URM1: variants seen among roughly 807,000 people sequenced by gnomAD.
URM1 encodes ubiquitin related modifier 1, also known as ubiquitin-related modifier 1.
A neutral mutation model predicts 17.7 loss-of-function variants in URM1; 11 were observed. The ratio of observed to expected loss-of-function variants is 0.62; its 90% CI spans 0.39 to 1.03. The LOEUF is 1.03. Ranked by LOEUF, URM1 falls within the 50% of genes least tolerant of loss-of-function variation. The pLI is 0.00. For synonymous variants in URM1, 48 were observed against 50.6 expected, an observed-to-expected ratio of 0.95 and a Z score of 0.22; for missense variants, 128 against 129.2, an observed-to-expected ratio of 0.99 and a Z score of 0.04.
rs562986800 is a variant in URM1 at position 128,382,697 on chromosome 9, G to A, written c.106+4591G>A. 1.2e-4 allele frequency among the ~76,000 whole-genome samples: 18 copies of A among 152,334 alleles called. No individual in the cohort carries two copies. The South Asian group carries it at 3.3e-3, about 28-fold the overall frequency. On this transcript the variant is annotated intron_variant, in intron 2 of 4. Coordinates refer to ENST00000372853, the MANE Select transcript of URM1 (RefSeq NM_030914.4). Reference sequence around the variant, plus strand: ...TAAGATGGGAGGTTGGGCTCGCTCTGTATGTTATTGAGCTGGTTGTCTCTT... The same window carrying A: ...TAAGATGGGAGGTTGGGCTCGCTCTATATGTTATTGAGCTGGTTGTCTCTT...
rs762929481 is a variant in URM1, at chr9:128,387,526, C to T, written c.107-290C>T. 3.9e-5 allele frequency among the ~76,000 whole-genome samples: 6 copies of T among 152,154 alleles called. No individual in the cohort carries two copies. The highest frequency in any genetic ancestry group is 8.8e-5 in the Non-Finnish European group (6 of 68,030). ...CTAACCCTTTAGATGCGACAGTCCT[C>T]CCGCCGTCTGCCTTGAATCCCCCCA... On this transcript the variant is annotated intron_variant, in intron 2 of 4. Coordinates refer to ENST00000372853, the MANE Select transcript of URM1 (RefSeq NM_030914.4). The surrounding 1 kb of genome is among the most constrained non-coding windows in gnomAD (Gnocchi z 4.3).
chr9:128,380,925 C>T (rs1389090232), intron 2 of URM1, among the ~76,000 whole-genome samples: 1 of 151,966 alleles, frequency 6.6e-6, no homozygotes, highest in Non-Finnish European at 1.5e-5. Context: ...CCCGGGTTCA[C>T]GCCATTCTCC....
intron 3 of URM1, chr9:128,388,206 T>C: frequency 8.4e-7 from 1 of 1,190,122 alleles, no homozygotes; most frequent in Non-Finnish European, 1.0e-6. Context: ...AGTTACTCTC[T>C]ACACAGAAAG....
intron 2 of URM1, among the ~76,000 whole-genome samples, chr9:128,386,167 C>T (rs993341817): frequency 6.6e-6 from 1 of 152,358 alleles, no homozygotes; most frequent in East Asian, 1.9e-4. Flanking sequence ...TCCACACACA[C>T]AGGCACACCC....
At chr9:128,379,958 A>T (rs967079278) in intron 2 of URM1, among the ~76,000 whole-genome samples, 1 of 152,018 alleles carries the variant, frequency 6.6e-6, no homozygotes, top group African/African-American at 2.4e-5. Context: ...ACAAAAAAAT[A>T]AAAAATTAGC....
intron 2 of URM1, among the ~76,000 whole-genome samples, chr9:128,384,568 G>A (rs1833202683): frequency 6.6e-6 from 1 of 152,164 alleles, no homozygotes. Context: ...CTGATTAATG[G>A]TTGGCTCTAC....
chr9:128,371,617 T>C (rs1321709251), intron 1 of URM1, among the ~76,000 whole-genome samples: 3 of 152,068 alleles, frequency 2.0e-5, no homozygotes, highest in South Asian at 2.1e-4. Context: ...GAGGCGCACA[T>C]TGGGAGGGAA....
rs533203641 is a variant in URM1 at position 128,379,160 on chromosome 9, T to C, written c.106+1054T>C. On this transcript the variant is annotated intron_variant, in intron 2 of 4. Coordinates refer to ENST00000372853, the MANE Select transcript of URM1 (RefSeq NM_030914.4). ...ATCAGTTATATTAAGAGACAGGAAATGAGGTTCCTGGAGGTGGGCGGTAGA... is the reference window on the plus strand; with the variant it reads ...ATCAGTTATATTAAGAGACAGGAAACGAGGTTCCTGGAGGTGGGCGGTAGA... 4.6e-5 allele frequency among the ~76,000 whole-genome samples: 7 copies of C among 152,058 alleles called. No homozygotes were observed. In the South Asian group the frequency reaches 1.2e-3, roughly 27 times the overall value.
Position 128,376,439 on chromosome 9 carries a change from CA to C in URM1, c.36-1596del, listed in dbSNP as rs142873072. ...CTTCGGGAGGCTGAGGCAGGTGGAT[CA>C]CGAGGTCAGGAGTTCAAGACCAGCC... On this transcript the variant is annotated intron_variant, in intron 1 of 4. Coordinates refer to ENST00000372853, the MANE Select transcript of URM1 (RefSeq NM_030914.4). 5.6e-3 allele frequency among the ~76,000 whole-genome samples: 835 copies of C among 150,058 alleles called. 4 individuals are homozygous for C. Among genetic ancestry groups the C allele is most frequent in the Admixed American group, 8.6e-3 (130 of 15,062 alleles).
In URM1 at chr9:128,371,411, T is replaced by G. The variant is rs765048180; in HGVS notation, c.31T>G (p.Phe11Val). The stretch of plus-strand genomic sequence containing the variant: ...TGCGCCCTTGTCAGTGGAGGTGGAG[T>G]TCGGGTGAGTCACAGAGCTGGGGCG... MAAPLSVEVE[F>V]GGGAELLFDG... Residue 11 changes from phenylalanine (F) to valine (V), a missense_variant, in exon 1 of 5, where the codon TTC becomes GTC. Transcript: ENST00000372853. 6.2e-7 allele frequency: 1 copy of G among 1,612,406 alleles called. No homozygotes were observed. Among genetic ancestry groups the G allele is most frequent in the Non-Finnish European group, 8.5e-7 (1 of 1,179,148 alleles).
At chr9:128,386,037 C>G (rs1833222669) in intron 2 of URM1, among the ~76,000 whole-genome samples, 1 of 152,210 alleles carries the variant, frequency 6.6e-6, no homozygotes, top group Non-Finnish European at 1.5e-5. Context: ...GCCCTTCCCC[C>G]ACCCCCAGGC....
chr9:128,386,381 A>G lies in URM1; in HGVS notation c.107-1435A>G, dbSNP rs1301754485. ...TGAGCTGCAGCTAGTTGGAGGCAGC[A>G]TTTTCCCCATCCCATGCCTGCTCCA... On this transcript the variant is annotated intron_variant, in intron 2 of 4. Coordinates refer to ENST00000372853, the MANE Select transcript of URM1 (RefSeq NM_030914.4). Among the ~76,000 whole-genome samples the G allele has an allele frequency of 5.9e-5, 9 of 152,174 alleles. No individual in the cohort carries two copies. In the East Asian group the frequency reaches 1.7e-3, roughly 29 times the overall value.
At chr9:128,373,748 A>C (rs777925240) in intron 1 of URM1, among the ~76,000 whole-genome samples, 4 of 152,184 alleles carry the variant, frequency 2.6e-5, no homozygotes, top group Non-Finnish European at 5.9e-5. Flanking sequence ...AGGTATTGGC[A>C]AAAGGAGGGA....
intron 1 of URM1, among the ~76,000 whole-genome samples, chr9:128,375,413 CTTAAGA>C (rs1344959717): frequency 1.3e-5 from 2 of 152,134 alleles, no homozygotes; most frequent in Non-Finnish European, 2.9e-5. Context: ...AAGACTGAAG[CTTAAGA>C]TTGAGTCAAG....
intron 1 of URM1, among the ~76,000 whole-genome samples, chr9:128,375,046 A>G (rs1361574747): frequency 6.6e-6 from 1 of 152,224 alleles, no homozygotes; most frequent in Non-Finnish European, 1.5e-5. Flanking sequence ...ATTATAGTTC[A>G]GCCCCTGCCT....
intron 2 of URM1, among the ~76,000 whole-genome samples, chr9:128,380,639 CTTTTT>C (rs112510172): frequency 7.3e-6 from 1 of 137,656 alleles, no homozygotes. Flanking sequence ...TTTTTCTTTT[CTTTTT>C]TTTTTTTTTG....
intron 2 of URM1, among the ~76,000 whole-genome samples, chr9:128,380,435 G>A (rs1005854566): frequency 2.0e-5 from 3 of 152,126 alleles, no homozygotes; most frequent in Non-Finnish European, 4.4e-5. Flanking sequence ...AGGAAGACAT[G>A]GGGTGCTAAA....
At chr9:128,385,463 T>C (rs1355490927) in intron 2 of URM1, among the ~76,000 whole-genome samples, 1 of 152,116 alleles carries the variant, frequency 6.6e-6, no homozygotes, top group South Asian at 2.1e-4. Flanking sequence ...TTCTCCTGCA[T>C]GATCACACGG....
intron 1 of URM1, among the ~76,000 whole-genome samples, chr9:128,375,113 A>G (rs1833060362): frequency 6.6e-6 from 1 of 152,222 alleles, no homozygotes; most frequent in Non-Finnish European, 1.5e-5. Flanking sequence ...CTGCTTTTCT[A>G]TCAAAGTGAG....
Sources: gnomAD v4.1 joint callset for allele counts (sites outside exome capture counted in the v4.1 genomes callset) on GRCh38, gnomAD v4.1.1 for gene constraint, Gnocchi (gnomAD v3.1) non-coding constraint, MANE v1.5 for transcripts, NCBI Gene and HGNC (gene_info 2026-07-23, HGNC 2026-07-21) for gene names.